The following SLC24A3 variants were observed in gnomAD, a reference collection of about 807,000 sequenced individuals.
SLC24A3 encodes the protein solute carrier family 24 member 3.
In SLC24A3, 28 loss-of-function variants were observed where a neutral mutation model predicts 75.8. That is an observed-to-expected ratio of 0.37 (90% confidence interval 0.27 to 0.51). The LOEUF (loss-of-function observed/expected upper bound fraction) is 0.51, where lower values mean the gene tolerates loss of function less well. Ranked by LOEUF, SLC24A3 falls within the 20% of genes least tolerant of loss-of-function variation. The probability of loss-of-function intolerance (pLI) is 0.94; values close to 1 mark genes in which losing one functional copy is unlikely to be tolerated. For missense variants in SLC24A3, 663 were observed against 847.8 expected (o/e 0.78, Z 2.71); for synonymous variants, 372 against 334.1 (o/e 1.11, Z -1.24).
At position 19,585,606 on chromosome 20, in the gene SLC24A3, G is replaced by A. The variant is rs191280812; in HGVS notation, c.612+62G>A. On this transcript the variant is annotated intron_variant, in intron 6 of 16. Transcript: ENST00000328041. ...ACATTGGGGAAAGGGGAGGCATGGA[G>A]TTTAGGCAGGAGACTGTCTTGCTGG... The A allele has an allele frequency of 5.3e-5, 79 of 1,493,764 alleles. No individual in the cohort carries two copies. The African/African-American group carries it at 8.6e-4, about 16-fold the overall frequency. The allele number at this position is 1,493,764 out of a possible 1,614,324, so 92.5% of individuals were successfully genotyped here. A position where few individuals can be genotyped will look rare whatever the true frequency, so the allele number is the denominator to read the frequency against.
chr20:19,508,565 C>T (rs1158324235), intron 2 of SLC24A3, among the ~76,000 whole-genome samples: 1 of 152,080 alleles, frequency 6.6e-6, no homozygotes, highest in East Asian at 1.9e-4. Flanking sequence ...ACTCATCAAA[C>T]TCGGGTCTCA....
intron 7 of SLC24A3, among the ~76,000 whole-genome samples, chr20:19,662,536 AC>A (rs2032339495): frequency 6.6e-6 from 1 of 152,224 alleles, no homozygotes. Flanking sequence ...CAACTTCACT[AC>A]CTTGGCAGGC....
At chr20:19,500,555 G>A (rs1988369265) in intron 2 of SLC24A3, among the ~76,000 whole-genome samples, 1 of 151,816 alleles carries the variant, frequency 6.6e-6, no homozygotes, top group Non-Finnish European at 1.5e-5. Context: ...ACATTGAAAG[G>A]GTCATTTTCT....
intron 2 of SLC24A3, among the ~76,000 whole-genome samples, chr20:19,462,556 G>C (rs538333212): frequency 6.6e-6 from 1 of 152,186 alleles, no homozygotes; most frequent in Admixed American, 6.5e-5. Flanking sequence ...TAACCGACAT[G>C]GTGAGACCTG....
chr20:19,414,564 A>G (rs1986796559), intron 2 of SLC24A3, among the ~76,000 whole-genome samples: 1 of 152,230 alleles, frequency 6.6e-6, no homozygotes, highest in Non-Finnish European at 1.5e-5. Flanking sequence ...ACTACATATC[A>G]TTTTATATAT....
intron 2 of SLC24A3, among the ~76,000 whole-genome samples, chr20:19,433,087 A>C (rs1279980210): frequency 6.6e-6 from 1 of 152,208 alleles, no homozygotes; most frequent in East Asian, 1.9e-4. Context: ...TTGTGCAAAT[A>C]GCTCTCTCTC....
At chr20:19,665,016 T>TC (rs2032380739) in intron 7 of SLC24A3, among the ~76,000 whole-genome samples, 1 of 152,102 alleles carries the variant, frequency 6.6e-6, no homozygotes, top group South Asian at 2.1e-4. Flanking sequence ...ACACTAGGCT[T>TC]CCCCCCATGC....
At chr20:19,308,615 G>A (rs776130984) in intron 2 of SLC24A3, among the ~76,000 whole-genome samples, 39 of 152,140 alleles carry the variant, frequency 2.6e-4, no homozygotes, top group Non-Finnish European at 4.0e-4. Context: ...GATGCACTTC[G>A]CAAACCTTTA....
At chr20:19,488,651 A>G (rs2122527574) in intron 2 of SLC24A3, among the ~76,000 whole-genome samples, 1 of 152,320 alleles carries the variant, frequency 6.6e-6, no homozygotes, top group South Asian at 2.1e-4. Context: ...CAGGTTGGGC[A>G]TCCCTTATCT....
chr20:19,582,158 C>T (rs1435588849), intron 4 of SLC24A3, among the ~76,000 whole-genome samples: 2 of 152,250 alleles, frequency 1.3e-5, no homozygotes, highest in Non-Finnish European at 2.9e-5. Flanking sequence ...GGAATCAGTT[C>T]TCCCTGGAGT....
At chr20:19,524,873 C>A (rs1451500610) in intron 3 of SLC24A3, among the ~76,000 whole-genome samples, 2 of 152,156 alleles carry the variant, frequency 1.3e-5, no homozygotes, top group African/African-American at 4.8e-5. Flanking sequence ...GATCATATGT[C>A]ATGGCTTAAA....
intron 2 of SLC24A3, among the ~76,000 whole-genome samples, chr20:19,433,731 A>G (rs1402616001): frequency 6.6e-6 from 1 of 152,230 alleles, no homozygotes; most frequent in Non-Finnish European, 1.5e-5. Flanking sequence ...AATAGCAAGC[A>G]ATTTCAAAAG....
intron 2 of SLC24A3, among the ~76,000 whole-genome samples, chr20:19,282,106 C>G (rs1046020333): frequency 1.1e-4 from 16 of 152,134 alleles, no homozygotes; most frequent in African/African-American, 3.9e-4. Flanking sequence ...AAACAATCTC[C>G]ATTGCAGCCC....
At chr20:19,398,213 A>G (rs1393378484) in intron 2 of SLC24A3, among the ~76,000 whole-genome samples, 8 of 152,118 alleles carry the variant, frequency 5.3e-5, no homozygotes, top group Non-Finnish European at 1.5e-5. Context: ...CTTCTTTAAA[A>G]AAGACTGTTG....
intron 1 of SLC24A3, among the ~76,000 whole-genome samples, chr20:19,254,167 G>A (rs1266023381): frequency 1.3e-5 from 2 of 152,164 alleles, no homozygotes; most frequent in African/African-American, 4.8e-5. Context: ...TGTAGCCTCT[G>A]GGCTGTGCCA....
rs191181296 is a variant in SLC24A3 at position 19,306,072 on chromosome 20, C to T, written c.271+24985C>T. ...ATTAAAAATGGGTAAAGGACATAAA[C>T]GGACATTTCTCAAAAGAAGACATAC... On this transcript the variant is annotated intron_variant, in intron 2 of 16. Transcript: ENST00000328041. Among the ~76,000 whole-genome samples, 29 of 152,258 alleles carry T rather than the reference C, an allele frequency of 1.9e-4. No individual in the cohort carries two copies. The South Asian group carries it at 2.5e-3, about 13-fold the overall frequency.
chr20:19,637,690 T>A (rs1340148036), intron 6 of SLC24A3, among the ~76,000 whole-genome samples: 1 of 152,202 alleles, frequency 6.6e-6, no homozygotes, highest in African/African-American at 2.4e-5. Context: ...AGAATGTAAA[T>A]GTTTTCAGTG....
At chr20:19,334,167 A>C (rs1450661551) in intron 2 of SLC24A3, among the ~76,000 whole-genome samples, 3 of 152,216 alleles carry the variant, frequency 2.0e-5, no homozygotes, top group Non-Finnish European at 4.4e-5. Flanking sequence ...TGGTCCGTTT[A>C]TCCTAATGAC....
chr20:19,253,518 T>C (rs1375143257), intron 1 of SLC24A3, among the ~76,000 whole-genome samples: 1 of 152,210 alleles, frequency 6.6e-6, no homozygotes, highest in African/African-American at 2.4e-5. Context: ...GATTGTTTCC[T>C]GGTTGTTAAT....
Sources: allele counts gnomAD v4.1 joint callset (sites outside exome capture counted in the v4.1 genomes callset), GRCh38; gene constraint gnomAD v4.1.1; transcripts MANE v1.5; gene names NCBI Gene and HGNC (gene_info 2026-07-23, HGNC 2026-07-21).